ASAH2: variants seen among roughly 807,000 people sequenced by gnomAD.
ASAH2 encodes the protein neutral ceramidase.
In ASAH2, 58 loss-of-function variants were observed where a neutral mutation model predicts 82.9. That is an observed-to-expected ratio of 0.70 (90% confidence interval 0.57 to 0.87). ASAH2 has a LOEUF of 0.87. Ranked by LOEUF, ASAH2 falls within the 40% of genes least tolerant of loss-of-function variation. ASAH2 has a pLI of 0.00. For synonymous variants in ASAH2, 276 were observed against 289.7 expected (o/e 0.95, Z 0.48); for missense variants, 779 against 834.0 (o/e 0.93, Z 0.81).
At chr10:50,220,477 G>T (rs1845711673) in intron 7 of ASAH2, among the ~76,000 whole-genome samples, 9 of 87,008 alleles carry the variant, frequency 1.0e-4, no homozygotes, top group Non-Finnish European at 2.5e-5. Flanking sequence ...TCCTTTGCCG[G>T]AACATAGATG....
intron 7 of ASAH2, among the ~76,000 whole-genome samples, chr10:50,223,885 G>T (rs1190955708): frequency 6.6e-6 from 1 of 152,170 alleles, no homozygotes; most frequent in Non-Finnish European, 1.5e-5. Context: ...GCCAAGGATT[G>T]ATGGCAACCA....
In ASAH2 at chr10:50,243,414, C is replaced by G. The variant is rs527794884; in HGVS notation, c.361-63G>C. On this transcript the variant is annotated intron_variant, in intron 3 of 20. Transcript: ENST00000682911. ...TTCCCCTGCTACTAGAAACCAGGCA[C>G]AAACATACAATATAGACGACTGCAG... 165 of 1,560,636 alleles carry G rather than the reference C, an allele frequency of 1.1e-4. 1 individual carries two copies. The African/African-American group carries it at 1.9e-3, about 18-fold the overall frequency.
chr10:50,201,054 GA>G (rs1312730733), intron 16 of ASAH2, among the ~76,000 whole-genome samples: 2 of 152,014 alleles, frequency 1.3e-5, no homozygotes, highest in Admixed American at 6.6e-5. Flanking sequence ...GCACAGCAGA[GA>G]AAAGAGAAGG....
At chr10:50,242,472 A>G (rs767837894) in intron 4 of ASAH2, among the ~76,000 whole-genome samples, 8 of 152,178 alleles carry the variant, frequency 5.3e-5, no homozygotes, top group Admixed American at 2.0e-4. Context: ...TCTTTCTCAC[A>G]TTCATGAATG....
chr10:50,241,442 T>C (rs945305856), intron 4 of ASAH2, among the ~76,000 whole-genome samples: 1 of 152,108 alleles, frequency 6.6e-6, no homozygotes, highest in Non-Finnish European at 1.5e-5. Context: ...ATAAGGGAGA[T>C]GAATTGTGAC....
chr10:50,187,208 C>A lies in ASAH2; in HGVS notation c.*107G>T, dbSNP rs1403201682. 1 of 138,232 alleles carries A rather than the reference C, an allele frequency of 7.2e-6. No homozygotes were observed. Among genetic ancestry groups the A allele is most frequent in the Non-Finnish European group, 1.4e-5 (1 of 70,932 alleles). The allele number at this position is 138,232 out of a possible 1,614,324, so 8.6% of individuals were successfully genotyped here. On this transcript the variant is annotated 3_prime_UTR_variant, in exon 21 of 21. Coordinates refer to ENST00000682911, the MANE Select transcript of ASAH2 (RefSeq NM_019893.4). ...TAAACTATCTGTCCCCAAACAGGGA[C>A]GATTATAGAAGTCAACATGGTAGTT... is the stretch of plus-strand genomic sequence containing the variant.
At position 50,204,850 on chromosome 10, in the gene ASAH2, G is replaced by GA; in HGVS notation, c.1625+10dup. 2 of 1,586,004 alleles carry GA rather than the reference G, an allele frequency of 1.3e-6. No individual in the cohort carries two copies. Among genetic ancestry groups the GA allele is most frequent in the South Asian group, 2.2e-5 (2 of 88,906 alleles). Reference sequence around the variant, plus strand: ...CACATTTTTAACTAAGTAATAAAAAGAAAAACTTACGTAAACTCCCCGGGG... The same window carrying GA: ...CACATTTTTAACTAAGTAATAAAAAGAAAAAACTTACGTAAACTCCCCGGGG... On this transcript the variant is annotated intron_variant, in intron 14 of 20. Transcript: ENST00000682911.
intron 12 of ASAH2, among the ~76,000 whole-genome samples, chr10:50,210,551 T>C (rs1845425513): frequency 6.6e-6 from 1 of 151,962 alleles, no homozygotes; most frequent in Non-Finnish European, 1.5e-5. Context: ...AAGATGATGC[T>C]AAGTGAAAGA....
chr10:50,240,072 C>T (rs920146649), intron 4 of ASAH2, among the ~76,000 whole-genome samples: 28 of 152,232 alleles, frequency 1.8e-4, no homozygotes, highest in African/African-American at 6.5e-4. Context: ...AAGTGATCCA[C>T]CTGCCTCAGC....
In ASAH2 at chr10:50,202,931, G is replaced by C. The variant is rs1198628964; in HGVS notation, c.1666-7C>G. The C allele has an allele frequency of 1.3e-6, 2 of 1,588,368 alleles. No individual in the cohort carries two copies. The highest frequency in any genetic ancestry group is 1.7e-5 in the Admixed American group (1 of 59,838). ...TCCCATGAGATGCAAATTCCTAGGA[G>C]AGAAAGGTAAAACCCAATAAAATTA... On this transcript the variant is annotated splice_polypyrimidine_tract_variant and splice_region_variant and intron_variant, in intron 15 of 20. Transcript: ENST00000682911.
intron 7 of ASAH2, among the ~76,000 whole-genome samples, chr10:50,230,731 T>G (rs923642794): frequency 6.6e-6 from 1 of 152,266 alleles, no homozygotes; most frequent in African/African-American, 2.4e-5. Context: ...TTGAATTTTC[T>G]GTTCCAGTTA....
At chr10:50,202,123 C>A (rs1397604711) in intron 16 of ASAH2, among the ~76,000 whole-genome samples, 1 of 152,042 alleles carries the variant, frequency 6.6e-6, no homozygotes, top group Non-Finnish European at 1.5e-5. Flanking sequence ...TCAGGAAAGC[C>A]AACAGAGGGT....
intron 1 of ASAH2, among the ~76,000 whole-genome samples, chr10:50,249,425 G>A (rs1846558021): frequency 6.6e-6 from 1 of 152,128 alleles, no homozygotes; most frequent in Non-Finnish European, 1.5e-5. Context: ...AACTATACAA[G>A]TTAAAACCCC....
chr10:50,210,727 T>G, intron 12 of ASAH2, 96 bp downstream of exon 12: 1 of 1,134,892 alleles, frequency 8.8e-7, no homozygotes, highest in Middle Eastern at 2.0e-4. Flanking sequence ...AGTTTAAAAA[T>G]TAATAAATGT....
intron 18 of ASAH2, among the ~76,000 whole-genome samples, chr10:50,196,341 T>C (rs1217996534): frequency 6.6e-6 from 1 of 151,900 alleles, no homozygotes; most frequent in African/African-American, 2.4e-5. Context: ...ATGTAGAAAT[T>C]CCTAAGGAAT....
At chr10:50,238,727 G>T (rs1285594011) in intron 4 of ASAH2, among the ~76,000 whole-genome samples, 3 of 152,100 alleles carry the variant, frequency 2.0e-5, no homozygotes, top group African/African-American at 7.2e-5. Context: ...TATTCCTAAA[G>T]AACTGTGACA....
intron 7 of ASAH2, among the ~76,000 whole-genome samples, chr10:50,226,319 C>G (rs1164983739): frequency 6.6e-6 from 1 of 152,038 alleles, no homozygotes; most frequent in Non-Finnish European, 1.5e-5. Context: ...ATAATAAAAT[C>G]CCACTTTTTA....
Position 50,211,107 on chromosome 10 carries a change from C to A in ASAH2, c.1255G>T (p.Val419Leu). ...TGTGCTGAAGCCAGTGGTCCTGTTA[C>A]CTCCTGGGAGGCAGAGGCATAGAGT... The part of the protein sequence containing the change: ...KELYASASQE[V>L]TGPLASAHQW... The change falls in exon 11 of 21, where the codon GTA becomes TTA. Residue 419 changes from valine (V) to leucine (L), a missense_variant. Val to Leu is a conservative substitution (Grantham distance 32, BLOSUM62 1). Around this residue, in one of 3 missense-constraint regions of ASAH2, gnomAD observed 759 missense variants for 755.2 expected, o/e 1.00. Transcript: ENST00000682911. 6.2e-7 allele frequency: 1 copy of A among 1,613,546 alleles called. No homozygotes were observed. Among genetic ancestry groups the A allele is most frequent in the Non-Finnish European group, 8.5e-7 (1 of 1,179,606 alleles).
intron 4 of ASAH2, 48 bp from the exon 5 acceptor site, chr10:50,236,112 C>T: frequency 6.4e-7 from 1 of 1,550,974 alleles, no homozygotes; most frequent in African/African-American, 1.4e-5. Context: ...AACATAGGAG[C>T]TCAACATGAG....
Sources: allele counts gnomAD v4.1 joint callset (sites outside exome capture counted in the v4.1 genomes callset), GRCh38; gene constraint gnomAD v4.1.1; regional missense constraint gnomAD v4.1.1; transcripts MANE v1.5; gene names NCBI Gene and HGNC (gene_info 2026-07-23, HGNC 2026-07-21).